Variants in CYP20A1 observed in about 807,000 individuals in gnomAD.
CYP20A1 encodes the protein cytochrome P450 20A1.
A neutral mutation model predicts 61.4 loss-of-function variants in CYP20A1; 61 were observed. The ratio of observed to expected loss-of-function variants is 0.99; its 90% confidence interval spans 0.81 to 1.23. The LOEUF is 1.23. CYP20A1 is among the 50% of genes most tolerant of loss of function. CYP20A1 has a pLI of 0.00. For missense variants in CYP20A1, 530 were observed against 542.4 expected, an observed-to-expected ratio of 0.98 and a Z score of 0.23; for synonymous variants, 193 against 188.2, an observed-to-expected ratio of 1.03 and a Z score of -0.21.
At chr2:203,266,056 G>A in intron 4 of CYP20A1, among the ~76,000 whole-genome samples, 1 of 152,060 alleles carries the variant, frequency 6.6e-6, no homozygotes, top group East Asian at 1.9e-4. Context: ...TAAATATTTG[G>A]TGAAGGAAGG....
intron 8 of CYP20A1, among the ~76,000 whole-genome samples, chr2:203,283,986 AAGT>A (rs1268648728): frequency 6.6e-6 from 1 of 152,200 alleles, no homozygotes; most frequent in Non-Finnish European, 1.5e-5. Flanking sequence ...TACACTGCAC[AAGT>A]TTTCACATCA....
chr2:203,260,313 C>T (rs964855802), intron 4 of CYP20A1, among the ~76,000 whole-genome samples: 3 of 152,116 alleles, frequency 2.0e-5, no homozygotes, highest in Admixed American at 6.5e-5. Context: ...ACCTCCACCT[C>T]GCGGGTTCAA....
chr2:203,246,859 G>A lies in CYP20A1; in HGVS notation c.227G>A (p.Arg76His), dbSNP rs777630188. The change falls in exon 3 of 13, where the codon CGC becomes CAC. Residue 76 changes from arginine (R) to histidine (H), a missense_variant. Arg to His is a conservative substitution (Grantham distance 29). Transcript: ENST00000356079. The stretch of plus-strand genomic sequence containing the variant: ...GTGGTCTCCTTCTGGTTTGGCAGGC[G>A]CCTCGTGGTTAGTTTGGGCACTGTT... ...GPVVSFWFGR[R>H]LVVSLGTVDV... The A allele has an allele frequency of 3.4e-5, 55 of 1,614,012 alleles. No homozygotes were observed. The highest frequency in any genetic ancestry group is 1.6e-4 in the Middle Eastern group (1 of 6,084).
At chr2:203,259,441 T>G (rs1049507667) in intron 4 of CYP20A1, among the ~76,000 whole-genome samples, 3 of 152,036 alleles carry the variant, frequency 2.0e-5, no homozygotes, top group Non-Finnish European at 4.4e-5. Flanking sequence ...AGATGTTGTT[T>G]AAAAGTGTGT....
In CYP20A1 at chr2:203,248,523, G is replaced by C. The variant is rs572325166; in HGVS notation, c.289+1602G>C. Among the ~76,000 whole-genome samples the C allele has an allele frequency of 1.1e-4, 16 of 151,714 alleles. 1 individual carries two copies. The East Asian group carries it at 1.2e-3, about 11-fold the overall frequency. On this transcript the variant is annotated intron_variant, in intron 3 of 12. Transcript: ENST00000356079. Reference sequence around the variant, plus strand: ...CGCTCCAGCCTGGGTGACAGAGGGAGACTCCATCTCAAAAAAAAAAGACTC... The same window carrying C: ...CGCTCCAGCCTGGGTGACAGAGGGACACTCCATCTCAAAAAAAAAAGACTC...
At chr2:203,244,495 G>A (rs369105027) in intron 1 of CYP20A1, among the ~76,000 whole-genome samples, 4 of 151,754 alleles carry the variant, frequency 2.6e-5, no homozygotes, top group African/African-American at 9.7e-5. Context: ...CACTGCGCCC[G>A]GCCCAGCACA....
chr2:203,281,106 G>A (rs2068024388), intron 8 of CYP20A1, among the ~76,000 whole-genome samples: 1 of 152,102 alleles, frequency 6.6e-6, no homozygotes, highest in South Asian at 2.1e-4. Flanking sequence ...ATGTTTCTAA[G>A]TTTCCTCACT....
intron 1 of CYP20A1, among the ~76,000 whole-genome samples, chr2:203,242,932 C>T: frequency 6.6e-6 from 1 of 152,132 alleles, no homozygotes; most frequent in East Asian, 1.9e-4. Context: ...TCTGTCAATT[C>T]CGCCCCTGAA....
rs925981917 is a variant in CYP20A1 at position 203,292,477 on chromosome 2, G to T, written c.1148+151G>T. On this transcript the variant is annotated intron_variant, in intron 11 of 12. Transcript: ENST00000356079. ...AATCCCCTTTTCTTCTCTTTCTTTT[G>T]AGACAGGGTCTCACTCTGTCATCCA... The T allele has an allele frequency of 1.3e-5, 8 of 615,714 alleles. No homozygotes were observed. The African/African-American group carries it at 1.5e-4, about 11-fold the overall frequency. 38.1% of individuals were successfully genotyped at this position (615,714 alleles called of 1,614,324 possible).
At chr2:203,256,776 G>A (rs1330961905) in intron 4 of CYP20A1, among the ~76,000 whole-genome samples, 2 of 152,142 alleles carry the variant, frequency 1.3e-5, no homozygotes, top group African/African-American at 2.4e-5. Context: ...TTGTTATAGA[G>A]CAGGCCCTCA....
chr2:203,304,208 T>C lies in CYP20A1; in HGVS notation c.*7300T>C, dbSNP rs980347286. The stretch of plus-strand genomic sequence containing the variant: ...GCCTAGGTGACAGAGTGAGACTCCA[T>C]AGGTCTCAGCCAGACTCTGGAGGTC... On this transcript the variant is annotated 3_prime_UTR_variant, in exon 13 of 13. Coordinates refer to ENST00000356079, the MANE Select transcript of CYP20A1 (RefSeq NM_177538.3). 6.6e-5 allele frequency among the ~76,000 whole-genome samples: 10 copies of C among 151,658 alleles called. No individual in the cohort carries two copies. The highest frequency in any genetic ancestry group is 1.9e-4 in the African/African-American group (8 of 41,342).
rs1310722000 is a variant in CYP20A1, at chr2:203,302,612, T to G, written c.*5704T>G. 1.3e-5 allele frequency among the ~76,000 whole-genome samples: 2 copies of G among 152,208 alleles called. No individual in the cohort carries two copies. The highest frequency in any genetic ancestry group is 4.8e-5 in the African/African-American group (2 of 41,460). On this transcript the variant is annotated 3_prime_UTR_variant, in exon 13 of 13. Transcript: ENST00000356079. Reference sequence around the variant, plus strand: ...TACAAAATATTATTTGCATTTAACATATTCTGAACCAATAGTCTTTTCTAC... The same window carrying G: ...TACAAAATATTATTTGCATTTAACAGATTCTGAACCAATAGTCTTTTCTAC...
intron 8 of CYP20A1, among the ~76,000 whole-genome samples, chr2:203,280,595 G>T (rs1323659161): frequency 6.6e-6 from 1 of 152,202 alleles, no homozygotes; most frequent in Non-Finnish European, 1.5e-5. Flanking sequence ...CAGCCACTCG[G>T]GAAGCTGAGG....
chr2:203,243,203 G>C (rs925055059), intron 1 of CYP20A1, among the ~76,000 whole-genome samples: 11 of 151,994 alleles, frequency 7.2e-5, no homozygotes, highest in African/African-American at 2.7e-4. Context: ...GAGTGCAATG[G>C]TGTGGTCTCG....
chr2:203,244,633 G>T (rs773355891), intron 1 of CYP20A1, among the ~76,000 whole-genome samples: 5 of 151,576 alleles, frequency 3.3e-5, no homozygotes, highest in African/African-American at 1.2e-4. Flanking sequence ...GACGAAAAAT[G>T]TACTGGATAT....
chr2:203,292,668 A>G (rs2068586805), intron 11 of CYP20A1, among the ~76,000 whole-genome samples: 1 of 152,092 alleles, frequency 6.6e-6, no homozygotes. Flanking sequence ...CATGTTGCCC[A>G]GGCTGGTCTT....
At chr2:203,258,537 C>T (rs1042537709) in intron 4 of CYP20A1, among the ~76,000 whole-genome samples, 7 of 152,168 alleles carry the variant, frequency 4.6e-5, no homozygotes, top group African/African-American at 1.7e-4. Context: ...TGGTTCTACT[C>T]TGCACACTTC....
At chr2:203,257,807 T>A (rs74437097) in intron 4 of CYP20A1, among the ~76,000 whole-genome samples, 1 of 151,426 alleles carries the variant, frequency 6.6e-6, no homozygotes. Context: ...AAAAAAAAAA[T>A]GTGGTTACTT....
At chr2:203,267,275 G>A (rs1367023689) in intron 5 of CYP20A1, among the ~76,000 whole-genome samples, 1 of 152,180 alleles carries the variant, frequency 6.6e-6, no homozygotes, top group African/African-American at 2.4e-5. Flanking sequence ...GCTCACACCT[G>A]TAATCCCAGC....
Sources: gnomAD v4.1 joint callset for allele counts (sites outside exome capture counted in the v4.1 genomes callset) on GRCh38, gnomAD v4.1.1 for gene constraint, MANE v1.5 for transcripts, NCBI Gene and HGNC (gene_info 2026-07-23, HGNC 2026-07-21) for gene names.